Variants in PAIP2 observed in about 807,000 individuals in gnomAD.
The protein encoded by PAIP2 is poly(A) binding protein interacting protein 2, also known as polyadenylate-binding protein-interacting protein 2.
A neutral mutation model predicts 14.8 loss-of-function variants in PAIP2; 7 were observed. That is an observed-to-expected ratio of 0.47 (90% CI 0.27 to 0.89). PAIP2 has a LOEUF of 0.89. Ranked by LOEUF, PAIP2 falls within the 40% of genes least tolerant of loss-of-function variation. PAIP2 has a pLI of 0.13. For missense variants in PAIP2, 122 were observed against 154.7 expected (o/e 0.79, Z 1.12); for synonymous variants, 47 against 45.3 (o/e 1.04, Z -0.15).
intron 2 of PAIP2, 35 bp downstream of exon 2, chr5:139,363,957 A>G: frequency 6.3e-7 from 1 of 1,586,586 alleles, no homozygotes; most frequent in Non-Finnish European, 8.7e-7. Flanking sequence ...TTTATAGTCC[A>G]TTCTGGCCCT....
chr5:139,352,117 A>T (rs936065314), intron 1 of PAIP2, among the ~76,000 whole-genome samples: 5 of 151,930 alleles, frequency 3.3e-5, no homozygotes, highest in African/African-American at 1.2e-4. Flanking sequence ...GACACTCAAA[A>T]TTTCAGATTT....
intron 1 of PAIP2, among the ~76,000 whole-genome samples, chr5:139,355,771 C>T (rs1044130514): frequency 1.6e-4 from 25 of 152,092 alleles, no homozygotes; most frequent in Admixed American, 1.6e-3. Flanking sequence ...GAAGGAGAAT[C>T]GCTTGAACCC....
At chr5:139,361,903 G>A (rs940330421) in intron 1 of PAIP2, among the ~76,000 whole-genome samples, 1 of 141,490 alleles carries the variant, frequency 7.1e-6, no homozygotes, top group African/African-American at 2.6e-5. Context: ...CTGAGATCAC[G>A]CCACTGCACT....
In PAIP2 at chr5:139,368,915, G is replaced by A. The variant is rs1026790428; in HGVS notation, c.*117G>A. On this transcript the variant is annotated 3_prime_UTR_variant, in exon 4 of 4. Coordinates refer to ENST00000265192, the MANE Select transcript of PAIP2 (RefSeq NM_016480.5). ...TGTGTTACACTTATGCATTGCCAAAGTTTTTGTTAGTCTTGCATGCTTAAT... is the reference window on the plus strand; with the variant it reads ...TGTGTTACACTTATGCATTGCCAAAATTTTTGTTAGTCTTGCATGCTTAAT... 16 of 699,030 alleles carry A rather than the reference G, an allele frequency of 2.3e-5. No individual in the cohort carries two copies. The highest frequency in any genetic ancestry group is 1.6e-4 in the East Asian group (6 of 36,784). The allele number at this position is 699,030 out of a possible 1,614,324, so 43.3% of individuals were successfully genotyped here.
chr5:139,348,145 C>CAAAAAA (rs56677878), intron 1 of PAIP2, among the ~76,000 whole-genome samples: 1 of 69,670 alleles, frequency 1.4e-5, no homozygotes, highest in East Asian at 5.0e-4. Context: ...GACTCCATGT[C>CAAAAAA]AAAAAAAAAA....
intron 1 of PAIP2, among the ~76,000 whole-genome samples, chr5:139,347,780 A>G (rs1199107196): frequency 6.6e-6 from 1 of 152,220 alleles, no homozygotes; most frequent in Admixed American, 6.5e-5. Context: ...CCATAAAAAA[A>G]AAAAAGATGT....
intron 3 of PAIP2, 137 bp from the exon 4 acceptor site, chr5:139,368,596 T>G: frequency 1.6e-6 from 1 of 618,690 alleles, no homozygotes; most frequent in East Asian, 2.8e-5. Flanking sequence ...TCTTCCTTTT[T>G]GGGGTTTAGT....
intron 1 of PAIP2, among the ~76,000 whole-genome samples, chr5:139,359,584 G>A (rs1439353806): frequency 1.3e-5 from 2 of 152,140 alleles, no homozygotes; most frequent in Non-Finnish European, 2.9e-5. Context: ...CAGTTGTGAG[G>A]CAGGATCAAT....
chr5:139,360,907 G>T (rs1157977798), intron 1 of PAIP2, among the ~76,000 whole-genome samples: 1 of 151,728 alleles, frequency 6.6e-6, no homozygotes, highest in Non-Finnish European at 1.5e-5. Flanking sequence ...CAGCCTCCCA[G>T]ATAGCTGGGA....
chr5:139,346,096 A>G (rs1486372627), intron 1 of PAIP2, among the ~76,000 whole-genome samples: 2 of 152,226 alleles, frequency 1.3e-5, no homozygotes, highest in East Asian at 1.9e-4. Context: ...TGAAGACACA[A>G]TAAAGCCCTA....
intron 3 of PAIP2, among the ~76,000 whole-genome samples, chr5:139,366,828 A>G (rs1010794556): frequency 6.6e-6 from 1 of 152,152 alleles, no homozygotes; most frequent in African/African-American, 2.4e-5. Flanking sequence ...TGGGAGGCCA[A>G]AGTGGGAAGA....
chr5:139,356,115 G>GCAAAA (rs1756904004), intron 1 of PAIP2, among the ~76,000 whole-genome samples: 1 of 151,282 alleles, frequency 6.6e-6, no homozygotes, highest in East Asian at 1.9e-4. Flanking sequence ...TCCAGCCTGG[G>GCAAAA]TGACAGAGCA....
At chr5:139,363,183 G>T (rs1034659396) in intron 1 of PAIP2, among the ~76,000 whole-genome samples, 3 of 151,942 alleles carry the variant, frequency 2.0e-5, no homozygotes, top group African/African-American at 7.3e-5. Context: ...TGAGGTTGCA[G>T]TGAACCAAGA....
chr5:139,366,726 C>A (rs1757269384), intron 3 of PAIP2, among the ~76,000 whole-genome samples: 2 of 152,172 alleles, frequency 1.3e-5, no homozygotes. Flanking sequence ...TTTGATATTA[C>A]TTTGTTTCAT....
rs748749763 is a variant in PAIP2 at position 139,363,768 on chromosome 5, G to A, written c.-17G>A. Reference sequence around the variant, plus strand: ...CTGTTGTTCTTTTAAGGTTAAAAACGACAACCAACATCAGCCATGAAAGAT... The same window carrying A: ...CTGTTGTTCTTTTAAGGTTAAAAACAACAACCAACATCAGCCATGAAAGAT... On this transcript the variant is annotated 5_prime_UTR_variant, in exon 2 of 4. Coordinates refer to ENST00000265192, the MANE Select transcript of PAIP2 (RefSeq NM_016480.5). 1.4e-5 allele frequency: 23 copies of A among 1,611,016 alleles called. No individual in the cohort carries two copies. The highest frequency in any genetic ancestry group is 1.9e-5 in the Non-Finnish European group (22 of 1,178,720).
intron 1 of PAIP2, among the ~76,000 whole-genome samples, chr5:139,362,444 CTT>C (rs1268366529): frequency 3.0e-5 from 3 of 101,130 alleles, no homozygotes; most frequent in African/African-American, 1.2e-4. Context: ...GAGTTTCACT[CTT>C]TTTGCCCAGG....
In PAIP2 at chr5:139,368,763, G is replaced by T; in HGVS notation, c.349G>T (p.Glu117Ter). 6.2e-7 allele frequency: 1 copy of T among 1,613,688 alleles called. No individual in the cohort carries two copies. The highest frequency in any genetic ancestry group is 2.2e-5 in the East Asian group (1 of 44,866). The change falls in exon 4 of 4, where the codon GAG becomes TAG. Residue 117 changes from glutamate (E) to a stop codon, truncating the protein, a stop_gained. Coordinates refer to ENST00000265192, the MANE Select transcript of PAIP2 (RefSeq NM_016480.5). LOFTEE classifies it high-confidence loss of function. ...VKSNLNPNAK[E>*]FVPGVKYGNI ...GAGCAATCTGAATCCAAATGCAAAG[G>T]AGTTTGTTCCTGGGGTGAAGTACGG...
chr5:139,349,962 A>C (rs1756676353), intron 1 of PAIP2, among the ~76,000 whole-genome samples: 1 of 152,056 alleles, frequency 6.6e-6, no homozygotes, highest in African/African-American at 2.4e-5. Flanking sequence ...AGATTGCGCC[A>C]CTACACTCCA....
intron 1 of PAIP2, among the ~76,000 whole-genome samples, chr5:139,347,505 C>T (rs1756589279): frequency 6.6e-6 from 1 of 151,942 alleles, no homozygotes; most frequent in African/African-American, 2.4e-5. Context: ...AACTCCTGAC[C>T]TCAAATGATC....
Sources: allele counts gnomAD v4.1 joint callset (sites outside exome capture counted in the v4.1 genomes callset), GRCh38; gene constraint gnomAD v4.1.1; transcripts MANE v1.5; gene names NCBI Gene and HGNC (gene_info 2026-07-23, HGNC 2026-07-21).